CORO1C: variants seen among roughly 807,000 people sequenced by gnomAD.
CORO1C encodes the protein coronin 1C.
In CORO1C, 14 loss-of-function variants were observed where a neutral mutation model predicts 51.2. The ratio of observed to expected loss-of-function variants is 0.27; its 90% CI spans 0.18 to 0.43. The LOEUF (loss-of-function observed/expected upper bound fraction) is 0.43. Ranked by LOEUF, CORO1C falls within the 20% of genes least tolerant of loss-of-function variation. CORO1C has a pLI of 1.00. For missense variants in CORO1C, 417 were observed against 607.8 expected, an observed-to-expected ratio of 0.69 and a Z score of 3.30; for synonymous variants, 181 against 210.5, an observed-to-expected ratio of 0.86 and a Z score of 1.21.
At chr12:108,711,817 T>C (rs1316538066) in intron 1 of CORO1C, among the ~76,000 whole-genome samples, 1 of 152,172 alleles carries the variant, frequency 6.6e-6, no homozygotes, top group South Asian at 2.1e-4. Flanking sequence ...TGAGTAAATG[T>C]TACATTTTCT....
At chr12:108,649,201 G>A (rs529792253) in intron 8 of CORO1C, 181 bp from the exon 9 acceptor site, 207 of 665,272 alleles carry the variant, frequency 3.1e-4, no homozygotes, top group Non-Finnish European at 4.5e-4. Flanking sequence ...ATGAGAGAAC[G>A]GAAGCTGAGA....
At chr12:108,654,719 T>A (rs1022260899) in intron 6 of CORO1C, among the ~76,000 whole-genome samples, 2 of 151,440 alleles carry the variant, frequency 1.3e-5, no homozygotes, top group South Asian at 2.1e-4. Context: ...TTTTTTTTTT[T>A]AAAGACTGAG....
chr12:108,695,430 C>T (rs570646456), intron 2 of CORO1C, among the ~76,000 whole-genome samples: 1 of 152,326 alleles, frequency 6.6e-6, no homozygotes, highest in African/African-American at 2.4e-5. Flanking sequence ...ACCCAGTTTG[C>T]ATCCTCTATC....
At chr12:108,653,784 C>G (rs1406786102) in intron 7 of CORO1C, among the ~76,000 whole-genome samples, 1 of 152,146 alleles carries the variant, frequency 6.6e-6, no homozygotes, top group Non-Finnish European at 1.5e-5. Flanking sequence ...GGAACAAGAA[C>G]CCTCTGGAGA....
intron 1 of CORO1C, among the ~76,000 whole-genome samples, chr12:108,724,874 T>C (rs560687533): frequency 6.6e-6 from 1 of 152,328 alleles, no homozygotes; most frequent in African/African-American, 2.4e-5. Flanking sequence ...ATTTTTGTTA[T>C]TAATGTAAGA....
chr12:108,662,304 A>C (rs2033301233), intron 3 of CORO1C, 146 bp from the exon 4 acceptor site: 2 of 737,878 alleles, frequency 2.7e-6, no homozygotes, highest in Non-Finnish European at 4.4e-6. Flanking sequence ...TTGTGAAATG[A>C]CCGTGTTAGG....
chr12:108,700,926 A>G (rs1360950486), intron 2 of CORO1C, 198 bp downstream of exon 2: 1 of 617,806 alleles, frequency 1.6e-6, no homozygotes, highest in African/African-American at 1.8e-5. Context: ...TCCCCAGAAC[A>G]GAGGTCACTA....
At chr12:108,696,917 A>C (rs1158939446) in intron 2 of CORO1C, among the ~76,000 whole-genome samples, 1 of 152,212 alleles carries the variant, frequency 6.6e-6, no homozygotes, top group Non-Finnish European at 1.5e-5. Flanking sequence ...CCTTCCTAAC[A>C]AACACCTCAT....
chr12:108,722,357 A>T (rs2035492059), intron 1 of CORO1C, among the ~76,000 whole-genome samples: 1 of 152,164 alleles, frequency 6.6e-6, no homozygotes, highest in African/African-American at 2.4e-5. Flanking sequence ...CTTCAAATTA[A>T]GAGAGAGATG....
chr12:108,686,504 T>C (rs746953646), intron 2 of CORO1C, among the ~76,000 whole-genome samples: 1 of 152,252 alleles, frequency 6.6e-6, no homozygotes, highest in Non-Finnish European at 1.5e-5. Flanking sequence ...TCACCTCTGT[T>C]GCTTAATCTA....
At position 108,678,083 on chromosome 12, in the gene CORO1C, T is replaced by C. The variant is rs113026497; in HGVS notation, c.318+189A>G. On this transcript the variant is annotated intron_variant, in intron 3 of 10. Coordinates refer to ENST00000261401, the MANE Select transcript of CORO1C (RefSeq NM_014325.4). ...AGTACAACCTTTTTGATTTAAGGGC[T>C]TCTTGAAAGGATTATCTGTAATTAA... Among the ~76,000 whole-genome samples, 667 of 152,082 alleles carry C rather than the reference T, an allele frequency of 4.4e-3. 10 individuals carry two copies. Among genetic ancestry groups the C allele is most frequent in the African/African-American group, 0.015 (611 of 41,498 alleles).
chr12:108,679,657 A>G (rs558827583), intron 2 of CORO1C, among the ~76,000 whole-genome samples: 1 of 152,358 alleles, frequency 6.6e-6, no homozygotes, highest in African/African-American at 2.4e-5. Context: ...CAATTTTTCA[A>G]GAACAGAAAT....
chr12:108,695,350 G>A (rs1418152403), intron 2 of CORO1C, among the ~76,000 whole-genome samples: 7 of 152,150 alleles, frequency 4.6e-5, no homozygotes, highest in Non-Finnish European at 1.0e-4. Context: ...CAGTGTTGGA[G>A]GCCACCTACC....
At chr12:108,671,339 A>C (rs1264428902) in intron 3 of CORO1C, among the ~76,000 whole-genome samples, 1 of 152,090 alleles carries the variant, frequency 6.6e-6, no homozygotes, top group Non-Finnish European at 1.5e-5. Context: ...AAAGAAAGAA[A>C]AGGAGTGGGG....
chr12:108,727,866 G>A (rs1320731507), intron 1 of CORO1C, among the ~76,000 whole-genome samples: 2 of 152,062 alleles, frequency 1.3e-5, no homozygotes, highest in Non-Finnish European at 2.9e-5. Context: ...CTTGAATCTA[G>A]AATACATGAA....
At chr12:108,708,744 G>A (rs941602512) in intron 1 of CORO1C, among the ~76,000 whole-genome samples, 1 of 152,114 alleles carries the variant, frequency 6.6e-6, no homozygotes, top group Non-Finnish European at 1.5e-5. Flanking sequence ...TTACGGGCGT[G>A]AGCCACCGTG....
intron 3 of CORO1C, among the ~76,000 whole-genome samples, chr12:108,664,156 A>AT (rs2033384221): frequency 1.3e-5 from 2 of 152,356 alleles, no homozygotes; most frequent in South Asian, 4.1e-4. Flanking sequence ...CTACATGAAG[A>AT]TTAAAACAAG....
At chr12:108,691,851 G>A (rs1029106981) in intron 2 of CORO1C, among the ~76,000 whole-genome samples, 1 of 152,136 alleles carries the variant, frequency 6.6e-6, no homozygotes, top group Non-Finnish European at 1.5e-5. Context: ...GGGGTGGGGT[G>A]GAAACCATCA....
rs2032301073 is a variant in CORO1C at position 108,645,228 on chromosome 12, CT to C, written c.*2174del. 7.1e-6 allele frequency: 1 copy of C among 141,050 alleles called. No homozygotes were observed. The highest frequency in any genetic ancestry group is 1.5e-5 in the Non-Finnish European group (1 of 65,348). 8.7% of individuals were successfully genotyped at this position (141,050 alleles called of 1,614,324 possible). A position where few individuals can be genotyped will look rare whatever the true frequency, so the allele number is the denominator to read the frequency against. Reference sequence around the variant, plus strand: ...ACTGTCCTCTTCTGGGATGTCATGGCTTAAAAAAAAAAAAAAAAAAAGACAA... The same window carrying C: ...ACTGTCCTCTTCTGGGATGTCATGGCTAAAAAAAAAAAAAAAAAAAGACAA... On this transcript the variant is annotated 3_prime_UTR_variant, in exon 11 of 11. Transcript: ENST00000261401.
Sources: gnomAD v4.1 joint callset for allele counts (sites outside exome capture counted in the v4.1 genomes callset) on GRCh38, gnomAD v4.1.1 for gene constraint, MANE v1.5 for transcripts, NCBI Gene and HGNC (gene_info 2026-07-23, HGNC 2026-07-21) for gene names.